GRIN2A: variants seen among roughly 807,000 people sequenced by gnomAD.
GRIN2A encodes glutamate receptor ionotropic, NMDA 2A.
GRIN2A carries 22 observed loss-of-function variants against 113.4 expected under a neutral mutation model. The observed-to-expected ratio is 0.19, with a 90% CI of 0.14 to 0.28. The LOEUF is 0.28. Among genes scored for constraint, GRIN2A ranks in the 10% least tolerant of loss-of-function variants. The probability of loss-of-function intolerance (pLI) is 1.00; values close to 1 mark genes in which losing one functional copy is unlikely to be tolerated. For missense variants in GRIN2A, 1,502 were observed against 1,887.0 expected, an observed-to-expected ratio of 0.80 and a Z score of 3.78; for synonymous variants, 827 against 738.4, an observed-to-expected ratio of 1.12 and a Z score of -1.94.
chr16:9,964,876 T>C (rs1438304466), intron 2 of GRIN2A, among the ~76,000 whole-genome samples: 2 of 152,208 alleles, frequency 1.3e-5, no homozygotes, highest in African/African-American at 4.8e-5. Context: ...ATGGACATCT[T>C]AGGGAAGCCA....
chr16:9,914,822 G>A (rs932031242), intron 3 of GRIN2A, among the ~76,000 whole-genome samples: 1 of 146,884 alleles, frequency 6.8e-6, no homozygotes, highest in African/African-American at 2.5e-5. Flanking sequence ...GACAGCTAAG[G>A]GGCAGAAGAG....
At chr16:10,008,145 A>T (rs2046437966) in intron 2 of GRIN2A, among the ~76,000 whole-genome samples, 1 of 152,060 alleles carries the variant, frequency 6.6e-6, no homozygotes, top group African/African-American at 2.4e-5. Flanking sequence ...AAGGTATTGG[A>T]GATCTGTCCT....
intron 2 of GRIN2A, among the ~76,000 whole-genome samples, chr16:9,988,039 A>G (rs1310505593): frequency 6.6e-6 from 1 of 152,176 alleles, no homozygotes; most frequent in Non-Finnish European, 1.5e-5. Context: ...CTTGTAAAAA[A>G]TAAGCCCAAG....
rs2044771315 is a variant in GRIN2A, at chr16:9,938,500, T to C, written c.466A>G (p.Thr156Ala). Residue 156 changes from threonine (T) to alanine (A), a missense_variant, in exon 3 of 13, where the codon ACG becomes GCG. Coordinates refer to ENST00000330684, the MANE Select transcript of GRIN2A (RefSeq NM_001134407.3). ...TCCTGCATGATCTTCAGCATGACCGTGGCTTGCTGCTGGATGGACGCTCCA... is the reference window on the plus strand; with the variant it reads ...TCCTGCATGATCTTCAGCATGACCGCGGCTTGCTGCTGGATGGACGCTCCA... ...QFGASIQQQA[T>A]VMLKIMQDYD... 6.2e-7 allele frequency: 1 copy of C among 1,611,384 alleles called. No individual in the cohort carries two copies. The highest frequency in any genetic ancestry group is 1.1e-5 in the South Asian group (1 of 91,082).
chr16:9,926,081 A>G (rs2044458215), intron 3 of GRIN2A, among the ~76,000 whole-genome samples: 1 of 152,128 alleles, frequency 6.6e-6, no homozygotes, highest in African/African-American at 2.4e-5. Context: ...TTTTCTTCCA[A>G]CCTTAAAATA....
intron 2 of GRIN2A, among the ~76,000 whole-genome samples, chr16:10,058,785 G>A (rs1379847628): frequency 7.9e-5 from 12 of 152,182 alleles, no homozygotes; most frequent in Admixed American, 7.9e-4. Context: ...GAATGTTTCT[G>A]ACATTCCTGA....
chr16:9,807,373 GGA>G (rs2042000543), intron 10 of GRIN2A, among the ~76,000 whole-genome samples: 1 of 70,260 alleles, frequency 1.4e-5, no homozygotes, highest in African/African-American at 6.0e-5. Flanking sequence ...AGAGGGGGAG[GGA>G]GAGGGGGAGG....
chr16:9,952,483 G>A (rs530722698), intron 2 of GRIN2A, among the ~76,000 whole-genome samples: 3 of 152,210 alleles, frequency 2.0e-5, no homozygotes, highest in Non-Finnish European at 4.4e-5. Context: ...AAAAGAGCCA[G>A]AGAAGTGTGT....
intron 11 of GRIN2A, among the ~76,000 whole-genome samples, chr16:9,776,263 A>G (rs1385725851): frequency 6.7e-6 from 1 of 148,210 alleles, no homozygotes; most frequent in African/African-American, 2.5e-5. Flanking sequence ...GGTTTCCTCT[A>G]CCATAACATC....
At chr16:10,003,681 C>T (rs867714987) in intron 2 of GRIN2A, among the ~76,000 whole-genome samples, 4 of 152,148 alleles carry the variant, frequency 2.6e-5, no homozygotes, top group African/African-American at 9.7e-5. Flanking sequence ...AAATGAAGCA[C>T]ACAGTAATTA....
At chr16:9,849,594 TTATC>T (rs1439043508) in intron 5 of GRIN2A, among the ~76,000 whole-genome samples, 158 bp downstream of exon 5, 34 of 152,176 alleles carry the variant, frequency 2.2e-4, no homozygotes, top group African/African-American at 8.2e-4. Context: ...CTCTAGGAAT[TTATC>T]TAAGTCTTTT....
chr16:10,084,743 A>AGTTTATTT (rs2048052620), intron 2 of GRIN2A, among the ~76,000 whole-genome samples: 1 of 28,590 alleles, frequency 3.5e-5, no homozygotes, highest in Non-Finnish European at 1.1e-4. Flanking sequence ...ACCACCTGAC[A>AGTTTATTT]CTTTATTTAT....
intron 2 of GRIN2A, among the ~76,000 whole-genome samples, chr16:10,018,261 AC>A: frequency 3.3e-5 from 5 of 152,336 alleles, no homozygotes; most frequent in Admixed American, 3.3e-4. Context: ...GTGAAAAAGG[AC>A]CCTAAGATGA....
intron 2 of GRIN2A, among the ~76,000 whole-genome samples, chr16:10,090,327 T>C (rs1189176113): frequency 1.3e-5 from 2 of 152,170 alleles, no homozygotes; most frequent in Non-Finnish European, 2.9e-5. Flanking sequence ...GAGAGTGTGG[T>C]ATTAAGGGAA....
At chr16:9,922,866 GA>G (rs1306300081) in intron 3 of GRIN2A, among the ~76,000 whole-genome samples, 1 of 152,104 alleles carries the variant, frequency 6.6e-6, no homozygotes, top group East Asian at 1.9e-4. Context: ...TTGTGTTAGT[GA>G]ATCCTTTTAA....
intron 2 of GRIN2A, among the ~76,000 whole-genome samples, chr16:10,062,616 AC>A (rs2047568183): frequency 6.6e-6 from 1 of 152,186 alleles, no homozygotes; most frequent in African/African-American, 2.4e-5. Flanking sequence ...TGTAAACCCA[AC>A]ATTTTGGGAG....
chr16:10,016,190 G>A (rs146161920), intron 2 of GRIN2A, among the ~76,000 whole-genome samples: 8 of 151,494 alleles, frequency 5.3e-5, no homozygotes, highest in African/African-American at 9.7e-5. Context: ...TGTAAGAGGC[G>A]CAGAGAAGAG....
chr16:10,058,730 T>C (rs536006042), intron 2 of GRIN2A, among the ~76,000 whole-genome samples: 8 of 152,372 alleles, frequency 5.3e-5, no homozygotes, highest in African/African-American at 1.7e-4. Context: ...TAGGTATTTA[T>C]GTATTTGTCC....
intron 4 of GRIN2A, among the ~76,000 whole-genome samples, chr16:9,877,209 C>T (rs9928908): frequency 0.34 from 52,175 of 151,922 alleles, 10,078 homozygotes; most frequent in African/African-American, 0.53. Context: ...GGTTATTATG[C>T]GGCTAAAGTG....
Sources: gnomAD v4.1 joint callset for allele counts (sites outside exome capture counted in the v4.1 genomes callset) on GRCh38, gnomAD v4.1.1 for gene constraint, MANE v1.5 for transcripts, NCBI Gene and HGNC (gene_info 2026-07-23, HGNC 2026-07-21) for gene names.